The following TMEM260 variants were observed in gnomAD, a reference collection of about 807,000 sequenced individuals.
The protein encoded by TMEM260 is protein O-mannosyl-transferase TMEM260.
A neutral mutation model predicts 88.9 loss-of-function variants in TMEM260; 82 were observed. The observed-to-expected ratio is 0.92, with a 90% CI of 0.77 to 1.11. The LOEUF (loss-of-function observed/expected upper bound fraction) is 1.11, where lower values mean the gene tolerates loss of function less well. Among genes scored for constraint, TMEM260 ranks in the 50% least tolerant of loss-of-function variants. The pLI, the probability that TMEM260 is intolerant of heterozygous loss-of-function variation, is 0.00. For missense variants in TMEM260, 902 were observed against 853.4 expected, an observed-to-expected ratio of 1.06 and a Z score of -0.71; for synonymous variants, 314 against 309.3, an observed-to-expected ratio of 1.02 and a Z score of -0.16.
intron 14 of TMEM260, 39 bp from the exon 15 acceptor site, chr14:56,636,469 C>A: frequency 3.3e-6 from 5 of 1,527,020 alleles, no homozygotes; most frequent in Non-Finnish European, 3.6e-6. Context: ...GTGCAATTGA[C>A]TGTATGATTT....
intron 3 of TMEM260, among the ~76,000 whole-genome samples, chr14:56,592,578 T>C (rs1438104700): frequency 6.6e-6 from 1 of 152,176 alleles, no homozygotes; most frequent in Non-Finnish European, 1.5e-5. Flanking sequence ...GTTGATTATA[T>C]GAATAAGCCT....
chr14:56,612,141 T>C, intron 6 of TMEM260, 104 bp from the exon 7 acceptor site: 1 of 1,133,964 alleles, frequency 8.8e-7, no homozygotes, highest in Non-Finnish European at 1.3e-6. Context: ...AATTAAAAAA[T>C]TGTTTTAAGA....
intron 5 of TMEM260, among the ~76,000 whole-genome samples, chr14:56,608,694 AATG>A (rs10549224): frequency 0.27 from 41,606 of 151,956 alleles, 6,624 homozygotes; most frequent in Non-Finnish European, 0.37. Flanking sequence ...GTCTACTCCT[AATG>A]ATGATGACAA....
At chr14:56,629,041 A>C (rs1212758399) in intron 12 of TMEM260, among the ~76,000 whole-genome samples, 1 of 151,880 alleles carries the variant, frequency 6.6e-6, no homozygotes, top group Middle Eastern at 3.4e-3. Flanking sequence ...GATTACAGGC[A>C]TGTGCCACCA....
At chr14:56,615,726 A>G in intron 7 of TMEM260, 1 of 499,534 alleles carries the variant, frequency 2.0e-6, no homozygotes, top group Non-Finnish European at 3.6e-6. Context: ...CAAATTATAT[A>G]AGTTGATAAC....
chr14:56,629,391 A>C (rs1234637109), intron 12 of TMEM260, among the ~76,000 whole-genome samples: 1 of 151,708 alleles, frequency 6.6e-6, no homozygotes, highest in Admixed American at 6.6e-5. Context: ...CCTTACTGTC[A>C]TATAAGTCTT....
intron 1 of TMEM260, among the ~76,000 whole-genome samples, chr14:56,581,545 A>C (rs1885134423): frequency 6.6e-6 from 1 of 152,180 alleles, no homozygotes; most frequent in Non-Finnish European, 1.5e-5. Flanking sequence ...AAAAAATAAA[A>C]AGATTGACAG....
chr14:56,616,069 ATGAAT>A (rs767978877), intron 8 of TMEM260, 42 bp downstream of exon 8: 7 of 1,405,930 alleles, frequency 5.0e-6, no homozygotes, highest in Middle Eastern at 1.8e-4. Flanking sequence ...TTCTATGTTC[ATGAAT>A]TGAATTAATG....
chr14:56,615,802 C>G (rs373804155), intron 7 of TMEM260, 142 bp from the exon 8 acceptor site: 1 of 605,750 alleles, frequency 1.7e-6, no homozygotes. Flanking sequence ...TTTCTTCCAA[C>G]TTTAAAAGAC....
intron 12 of TMEM260, among the ~76,000 whole-genome samples, chr14:56,628,407 T>G (rs900591717): frequency 1.3e-5 from 2 of 152,230 alleles, no homozygotes; most frequent in African/African-American, 4.8e-5. Flanking sequence ...TTTATTTCTT[T>G]GAAGCTCAAA....
chr14:56,605,556 T>TA lies in TMEM260; in HGVS notation c.523-12dup. The TA allele has an allele frequency of 7.0e-7, 1 of 1,426,552 alleles. No individual in the cohort carries two copies. Among genetic ancestry groups the TA allele is most frequent in the South Asian group, 1.4e-5 (1 of 69,604 alleles). The allele number at this position is 1,426,552 out of a possible 1,614,324, so 88.4% of individuals were successfully genotyped here. ...GAATTTTTTACTTAATTTTTTTTTT[T>TA]AATTTATTTTCAGGTAGCTAAAATT... On this transcript the variant is annotated splice_polypyrimidine_tract_variant and intron_variant, in intron 4 of 15. Coordinates refer to ENST00000261556, the MANE Select transcript of TMEM260 (RefSeq NM_017799.4).
At chr14:56,601,338 T>C (rs1332695331) in intron 3 of TMEM260, among the ~76,000 whole-genome samples, 8 of 152,174 alleles carry the variant, frequency 5.3e-5, no homozygotes, top group Non-Finnish European at 1.0e-4. Context: ...TCTGCTTAGC[T>C]TCAGGTAACA....
At chr14:56,642,904 C>A (rs993301109) in intron 15 of TMEM260, among the ~76,000 whole-genome samples, 6 of 152,016 alleles carry the variant, frequency 3.9e-5, no homozygotes, top group Admixed American at 3.9e-4. Context: ...AAACTAGAAA[C>A]TAATCTAGAA....
intron 7 of TMEM260, 58 bp downstream of exon 7, chr14:56,612,343 T>G: frequency 2.1e-6 from 3 of 1,439,452 alleles, no homozygotes; most frequent in Non-Finnish European, 2.9e-6. Flanking sequence ...TTCCTTTAAG[T>G]GATTTTAGGG....
At chr14:56,645,008 G>A (rs1268449805) in intron 15 of TMEM260, among the ~76,000 whole-genome samples, 1 of 151,568 alleles carries the variant, frequency 6.6e-6, no homozygotes, top group Non-Finnish European at 1.5e-5. Context: ...GTGCTGGAGA[G>A]GATGTGGAGA....
intron 15 of TMEM260, among the ~76,000 whole-genome samples, chr14:56,644,061 C>T (rs1454449442): frequency 4.6e-5 from 7 of 152,182 alleles, no homozygotes; most frequent in African/African-American, 1.4e-4. Flanking sequence ...GAATCAATTG[C>T]GTGAAAATGG....
At chr14:56,580,964 A>G (rs555504206) in intron 1 of TMEM260, among the ~76,000 whole-genome samples, 5 of 152,274 alleles carry the variant, frequency 3.3e-5, no homozygotes, top group African/African-American at 1.2e-4. Context: ...CCGTTTTTGT[A>G]AATCAGGAGT....
chr14:56,653,752 A>C (rs1248057909), downstream of TMEM260, among the ~76,000 whole-genome samples: 2 of 151,044 alleles, frequency 1.3e-5, no homozygotes, highest in East Asian at 1.9e-4. Context: ...AAAAAAAAAA[A>C]AAACAGGACA....
intron 1 of TMEM260, among the ~76,000 whole-genome samples, chr14:56,583,738 AG>A (rs1885289904): frequency 6.6e-6 from 1 of 152,100 alleles, no homozygotes; most frequent in Non-Finnish European, 1.5e-5. Context: ...TGAAGGATTT[AG>A]GGGGAGAATG....
Sources: allele counts gnomAD v4.1 joint callset (sites outside exome capture counted in the v4.1 genomes callset), GRCh38; gene constraint gnomAD v4.1.1; transcripts MANE v1.5; gene names NCBI Gene and HGNC (gene_info 2026-07-23, HGNC 2026-07-21).